Variants in PPM1K observed in about 807,000 individuals in gnomAD.
PPM1K encodes the protein protein phosphatase Mn(2+)-dependent 1K.
In PPM1K, 19 loss-of-function variants were observed where a neutral mutation model predicts 32.6. The observed-to-expected ratio is 0.58, with a 90% CI of 0.41 to 0.86. The LOEUF (loss-of-function observed/expected upper bound fraction) is 0.86. Ranked by LOEUF, PPM1K falls within the 40% of genes least tolerant of loss-of-function variation. The probability of loss-of-function intolerance (pLI) is 0.00; values close to 1 mark genes in which losing one functional copy is unlikely to be tolerated. For synonymous variants in PPM1K, 159 were observed against 165.3 expected, an observed-to-expected ratio of 0.96 and a Z score of 0.29; for missense variants, 362 against 461.2, an observed-to-expected ratio of 0.78 and a Z score of 1.97.
rs1294301770 is a variant in PPM1K at position 88,268,214 on chromosome 4, T to C, written c.828A>G (p.Ala276=). The C allele has an allele frequency of 4.3e-6, 7 of 1,614,206 alleles. No homozygotes were observed. The highest frequency in any genetic ancestry group is 5.9e-6 in the Non-Finnish European group (7 of 1,180,022). Residue 276 remains alanine (A), a synonymous_variant, in exon 5 of 7, where the codon GCA becomes GCG. Coordinates refer to ENST00000608933, the MANE Select transcript of PPM1K (RefSeq NM_152542.5). The part of the protein sequence containing the change: ...DLDLKTSGVI[A]EPETKRIKLH... ...CCTTAATCCTCTTAGTTTCAGGTTC[T>C]GCTATGACACCACTGGTCTTAAGGT...
chr4:88,262,708 C>T lies in PPM1K; in HGVS notation c.1006G>A (p.Glu336Lys). 6.2e-7 allele frequency: 1 copy of T among 1,613,448 alleles called. No homozygotes were observed. Among genetic ancestry groups the T allele is most frequent in the Non-Finnish European group, 8.5e-7 (1 of 1,179,750 alleles). ...VTEQAIQYGTEDNSTAVVVPF... is the reference protein window; with the variant it reads ...VTEQAIQYGTKDNSTAVVVPF... Reference sequence around the variant, plus strand: ...ACTACTACTGCAGTACTGTTATCCTCAGTACCGTACTGTATTGCCTGCAAG... The same window carrying T: ...ACTACTACTGCAGTACTGTTATCCTTAGTACCGTACTGTATTGCCTGCAAG... Residue 336 changes from glutamate to lysine, a missense_variant, in exon 7 of 7, where the codon GAG (glutamate) becomes AAG (lysine). By Grantham distance (56) the Glu-to-Lys change is moderately conservative. Transcript: ENST00000608933.
At chr4:88,269,145 T>A (rs538459461) in intron 3 of PPM1K, among the ~76,000 whole-genome samples, 2 of 152,358 alleles carry the variant, frequency 1.3e-5, no homozygotes, top group Non-Finnish European at 2.9e-5. Context: ...TAACCTTATT[T>A]GGCAAACACT....
intron 1 of PPM1K, among the ~76,000 whole-genome samples, chr4:88,283,468 A>G (rs988897365): frequency 2.6e-5 from 4 of 151,926 alleles, no homozygotes; most frequent in African/African-American, 4.8e-5. Context: ...AAACCGAAGG[A>G]CAGCCTCATT....
chr4:88,277,146 CAG>C lies in PPM1K; in HGVS notation c.536_537del (p.Ala179GlyfsTer21). On this transcript the variant is annotated frameshift_variant, in exon 3 of 7. Coordinates refer to ENST00000608933, the MANE Select transcript of PPM1K (RefSeq NM_152542.5). LOFTEE classifies it high-confidence loss of function. Reference protein sequence around the residue: ...KAFSSHARLSADATLLTSGTT... With the variant: ...KAFSSHARLSXDATLLTSGTT... ...GGAATGTGATAGTTTTACATACCAT[CAG>C]CAGACAGGCGGGCATGACTCGAAAA... The C allele has an allele frequency of 6.2e-7, 1 of 1,611,682 alleles. No individual in the cohort carries two copies. Among genetic ancestry groups the C allele is most frequent in the Non-Finnish European group, 8.5e-7 (1 of 1,177,780 alleles).
intron 5 of PPM1K, 46 bp downstream of exon 5, chr4:88,268,144 A>T (rs1265311526): frequency 6.3e-7 from 1 of 1,595,986 alleles, no homozygotes; most frequent in Admixed American, 1.7e-5. Flanking sequence ...ACAATCCTAC[A>T]TTCACTCTCC....
At position 88,268,785 on chromosome 4, in the gene PPM1K, C is replaced by T; in HGVS notation, c.663G>A (p.Lys221=). The T allele has an allele frequency of 6.2e-7, 1 of 1,613,964 alleles. No homozygotes were observed. Among genetic ancestry groups the T allele is most frequent in the Non-Finnish European group, 8.5e-7 (1 of 1,179,930 alleles). ...TTTCTGGAGTATGGTCAATGGTCAGCTTCATGGGTTTTCCTTTTCTACACA... is the reference window on the plus strand; with the variant it reads ...TTTCTGGAGTATGGTCAATGGTCAGTTTCATGGGTTTTCCTTTTCTACACA... ...AILCRKGKPM[K]LTIDHTPERK... is the part of the protein sequence containing the mutation. Residue 221 remains lysine, a synonymous_variant, in exon 4 of 7, where the codon AAG becomes AAA. Coordinates refer to ENST00000608933, the MANE Select transcript of PPM1K (RefSeq NM_152542.5).
At position 88,258,578 on chromosome 4, in the gene PPM1K, A is replaced by C. The variant is rs1202291477; in HGVS notation, c.*4017T>G. The stretch of plus-strand genomic sequence containing the variant: ...AGGAGGCAGAGGTTGCAGTGAGCCA[A>C]GATCGCGCCACTGCACTCCAGCCTG... On this transcript the variant is annotated 3_prime_UTR_variant, in exon 7 of 7. Transcript: ENST00000608933. The C allele has an allele frequency of 1.3e-5, 2 of 152,084 alleles. No homozygotes were observed. The highest frequency in any genetic ancestry group is 4.8e-5 in the African/African-American group (2 of 41,356). 9.4% of individuals were successfully genotyped at this position (152,084 alleles called of 1,614,324 possible). A position where few individuals can be genotyped will look rare whatever the true frequency, so the allele number is the denominator to read the frequency against.
rs965416647 is a variant in PPM1K at position 88,257,843 on chromosome 4, A to C, written c.*4752T>G. On this transcript the variant is annotated 3_prime_UTR_variant, in exon 7 of 7. Transcript: ENST00000608933. ...GTAGAAATTAAATCAGTTTGGGGAC[A>C]CATCAGGCTGCTAAATTCTGTACTA... 7.9e-5 allele frequency: 12 copies of C among 152,232 alleles called. No homozygotes were observed. The highest frequency in any genetic ancestry group is 7.2e-4 in the Admixed American group (11 of 15,292). The allele number at this position is 152,232 out of a possible 1,614,324, so 9.4% of individuals were successfully genotyped here. A position where few individuals can be genotyped will look rare whatever the true frequency, so the allele number is the denominator to read the frequency against.
rs142311915 is a variant in PPM1K, at chr4:88,283,220, T to G, written c.-60+1186A>C. ...GCCTCGACCACTCAGGATCAAGAGA[T>G]CCTCCCACCTCAGCCTCCGGGGCTG... is the stretch of plus-strand genomic sequence containing the variant. On this transcript the variant is annotated intron_variant, in intron 1 of 6. Transcript: ENST00000608933. Among the ~76,000 whole-genome samples the G allele has an allele frequency of 3.5e-3, 526 of 152,240 alleles. 1 individual carries two copies. The highest frequency in any genetic ancestry group is 0.012 in the African/African-American group (497 of 41,544).
At chr4:88,280,649 G>A (rs1731971094) in intron 1 of PPM1K, among the ~76,000 whole-genome samples, 1 of 152,162 alleles carries the variant, frequency 6.6e-6, no homozygotes, top group South Asian at 2.1e-4. Flanking sequence ...TGTAGTTCCA[G>A]CTACTAAGGG....
intron 1 of PPM1K, among the ~76,000 whole-genome samples, chr4:88,283,422 C>A (rs1732098145): frequency 6.6e-6 from 1 of 152,224 alleles, no homozygotes; most frequent in Non-Finnish European, 1.5e-5. Flanking sequence ...TCTTTTTCAT[C>A]GTCATTGTAA....
intron 5 of PPM1K, among the ~76,000 whole-genome samples, chr4:88,266,077 T>A (rs967619193): frequency 6.6e-6 from 1 of 152,216 alleles, no homozygotes; most frequent in Non-Finnish European, 1.5e-5. Flanking sequence ...ATCTGTTAGA[T>A]AAAATGAAGT....
At position 88,268,848 on chromosome 4, in the gene PPM1K, T is replaced by C. The variant is rs755062947; in HGVS notation, c.600A>G (p.Glu200=). 1.1e-5 allele frequency: 18 copies of C among 1,613,900 alleles called. No individual in the cohort carries two copies. In the East Asian group the frequency reaches 2.5e-4, roughly 22 times the overall value. ...TGTCCCCAACACTGGCTACAACCAG[T>C]TCAATACCATCTCGCAATAGGGCTA... is the stretch of plus-strand genomic sequence containing the variant. ...ATVALLRDGI[E]LVVASVGDSR... The change falls in exon 4 of 7, where the codon GAA becomes GAG. Residue 200 remains glutamate, a synonymous_variant. Transcript: ENST00000608933.
chr4:88,276,635 C>T (rs1034424743), intron 3 of PPM1K: 1 of 984,744 alleles, frequency 1.0e-6, no homozygotes, highest in Non-Finnish European at 1.2e-6. Context: ...TATTTTCCTT[C>T]TAGTTATACA....
At chr4:88,267,242 G>T (rs1731369526) in intron 5 of PPM1K, among the ~76,000 whole-genome samples, 1 of 150,108 alleles carries the variant, frequency 6.7e-6, no homozygotes, top group Admixed American at 6.6e-5. Context: ...AGATGATGCT[G>T]GCTGATTGGG....
At position 88,258,698 on chromosome 4, in the gene PPM1K, A is replaced by G. The variant is rs1396969799; in HGVS notation, c.*3897T>C. 6.6e-6 allele frequency: 1 copy of G among 152,180 alleles called. No homozygotes were observed. Among genetic ancestry groups the G allele is most frequent in the Non-Finnish European group, 1.5e-5 (1 of 68,046 alleles). 9.4% of individuals were successfully genotyped at this position (152,180 alleles called of 1,614,324 possible). A position where few individuals can be genotyped will look rare whatever the true frequency, so the allele number is the denominator to read the frequency against. ...TCTTTTAAGTGTTGGAACAGGGGAA[A>G]GTTCACATTATAGAGTACAAAGGAT... On this transcript the variant is annotated 3_prime_UTR_variant, in exon 7 of 7. Coordinates refer to ENST00000608933, the MANE Select transcript of PPM1K (RefSeq NM_152542.5).
intron 3 of PPM1K, chr4:88,270,882 A>G: frequency 7.2e-6 from 2 of 277,308 alleles, no homozygotes; most frequent in South Asian, 6.5e-5. Context: ...AAGAATGTAA[A>G]TATTAAATCA....
rs1731148953 is a variant in PPM1K, at chr4:88,262,327, T to C, written c.*268A>G. The C allele has an allele frequency of 4.1e-6, 1 of 245,842 alleles. No individual in the cohort carries two copies. Among genetic ancestry groups the C allele is most frequent in the Non-Finnish European group, 7.7e-6 (1 of 129,220 alleles). The allele number at this position is 245,842 out of a possible 1,614,324, so 15.2% of individuals were successfully genotyped here. On this transcript the variant is annotated 3_prime_UTR_variant, in exon 7 of 7. Transcript: ENST00000608933. ...GTCTTAAAAATTATTAATGTGACAC[T>C]CTCATCTCTCATCAAGTGTATCCAA...
At chr4:88,264,914 T>C in intron 6 of PPM1K, 87 bp downstream of exon 6, 1 of 1,369,794 alleles carries the variant, frequency 7.3e-7, no homozygotes, top group East Asian at 2.4e-5. Flanking sequence ...TAAAATTCAC[T>C]GCAACACTCA....
Sources: allele counts gnomAD v4.1 joint callset (sites outside exome capture counted in the v4.1 genomes callset), GRCh38; gene constraint gnomAD v4.1.1; transcripts MANE v1.5; gene names NCBI Gene and HGNC (gene_info 2026-07-23, HGNC 2026-07-21).